The following RAPGEF2 variants were observed in gnomAD, a reference collection of about 807,000 sequenced individuals.
The protein encoded by RAPGEF2 is PDZ domain containing guanine nucleotide exchange factor (GEF) 1.
RAPGEF2 carries 54 observed loss-of-function variants against 186.7 expected under a neutral mutation model. The ratio of observed to expected loss-of-function variants is 0.29; its 90% confidence interval spans 0.23 to 0.36. The LOEUF is 0.36. Ranked by LOEUF, RAPGEF2 falls within the 10% of genes least tolerant of loss-of-function variation. The pLI is 1.00. For missense variants in RAPGEF2, 1,532 were observed against 2,045.0 expected, an observed-to-expected ratio of 0.75 and a Z score of 4.84; for synonymous variants, 712 against 705.9, an observed-to-expected ratio of 1.01 and a Z score of -0.14.
At chr4:159,354,137 T>G (rs1333741582) in intron 28 of RAPGEF2, 91 bp downstream of exon 28, 2 of 1,289,196 alleles carry the variant, frequency 1.6e-6, no homozygotes, top group African/African-American at 3.0e-5. Flanking sequence ...TTGTTGGTTC[T>G]TTTCCTCATT....
Position 159,104,212 on chromosome 4 carries a change from C to T in RAPGEF2, c.50C>T (p.Pro17Leu), listed in dbSNP as rs1737515977. The T allele has an allele frequency of 1.1e-5, 14 of 1,231,908 alleles. No individual in the cohort carries two copies. The highest frequency in any genetic ancestry group is 1.7e-5 in the African/African-American group (1 of 59,394). The allele number at this position is 1,231,908 out of a possible 1,614,324, so 76.3% of individuals were successfully genotyped here. A position where few individuals can be genotyped will look rare whatever the true frequency, so the allele number is the denominator to read the frequency against. ...NSFRQAVMKN[P>L]PERTPQDLEI... is the part of the protein sequence containing the mutation. ...TTCCGCCAGGCGGTGATGAAGAATC[C>T]CCCCGAAAGGACCCCCCAGGTGAGA... The change falls in exon 1 of 30, where the codon CCC (proline) becomes CTC (leucine). Residue 17 changes from proline to leucine, a missense_variant. Pro to Leu is a moderately conservative substitution (Grantham distance 98). Around this residue, in one of 4 missense-constraint regions of RAPGEF2, gnomAD observed 810 missense variants for 1,210.5 expected, o/e 0.67. Coordinates refer to ENST00000691494, the MANE Select transcript of RAPGEF2 (RefSeq NM_001394067.2).
intron 1 of RAPGEF2, among the ~76,000 whole-genome samples, chr4:159,129,641 CACTCT>C (rs1740784604): frequency 6.6e-6 from 1 of 152,180 alleles, no homozygotes; most frequent in Non-Finnish European, 1.5e-5. Context: ...CTATTCTATC[CACTCT>C]ACTCCCCCTA....
At chr4:159,161,554 A>G (rs527528348) in intron 1 of RAPGEF2, among the ~76,000 whole-genome samples, 12 of 152,220 alleles carry the variant, frequency 7.9e-5, no homozygotes, top group African/African-American at 2.9e-4. Flanking sequence ...AAATACAAAA[A>G]TTAGCCAGGT....
chr4:159,262,164 A>G lies in RAPGEF2; in HGVS notation c.543+18373A>G, dbSNP rs60020313. On this transcript the variant is annotated intron_variant, in intron 7 of 29. Coordinates refer to ENST00000691494, the MANE Select transcript of RAPGEF2 (RefSeq NM_001394067.2). The stretch of plus-strand genomic sequence containing the variant: ...AACCACTATGTGTCAAGTACTAGGG[A>G]TAAAGCACAGTCTGTTGTTGACAAT... Among the ~76,000 whole-genome samples, 1,046 of 152,316 alleles carry G rather than the reference A, an allele frequency of 6.9e-3. 11 individuals carry two copies. Among genetic ancestry groups the G allele is most frequent in the African/African-American group, 0.024 (987 of 41,566 alleles).
intron 1 of RAPGEF2, among the ~76,000 whole-genome samples, chr4:159,183,359 A>T (rs1561055817): frequency 6.6e-6 from 1 of 152,230 alleles, no homozygotes; most frequent in African/African-American, 2.4e-5. Flanking sequence ...AGGACAACTG[A>T]TATGCACATG....
intron 1 of RAPGEF2, among the ~76,000 whole-genome samples, chr4:159,134,356 T>G (rs745820010): frequency 1.3e-5 from 2 of 152,258 alleles, no homozygotes; most frequent in Non-Finnish European, 2.9e-5. Flanking sequence ...ATTGTATGGA[T>G]GTACTGAAAT....
intron 7 of RAPGEF2, among the ~76,000 whole-genome samples, chr4:159,286,769 T>C (rs1290834362): frequency 1.3e-5 from 2 of 152,226 alleles, no homozygotes; most frequent in African/African-American, 2.4e-5. Context: ...CTCTCAGATC[T>C]CAGCTATAGG....
Position 159,339,096 on chromosome 4 carries a change from G to T in RAPGEF2, c.2294-18G>T, listed in dbSNP as rs754123417. ...TAAAATTCTTTCTACTTATGTGTGT[G>T]ATTTTTCTTTCCCCCAGACTTGCCA... is the stretch of plus-strand genomic sequence containing the variant. On this transcript the variant is annotated intron_variant, in intron 18 of 29. Coordinates refer to ENST00000691494, the MANE Select transcript of RAPGEF2 (RefSeq NM_001394067.2). The T allele has an allele frequency of 5.0e-6, 8 of 1,608,126 alleles. No individual in the cohort carries two copies. In the South Asian group the frequency reaches 5.5e-5, roughly 11 times the overall value.
At chr4:159,248,505 A>G (rs528501514) in intron 7 of RAPGEF2, among the ~76,000 whole-genome samples, 1 of 152,304 alleles carries the variant, frequency 6.6e-6, no homozygotes, top group African/African-American at 2.4e-5. Flanking sequence ...GCATTTTAAC[A>G]TCCTGCAGAA....
At chr4:159,149,157 A>T (rs1220572653) in intron 1 of RAPGEF2, among the ~76,000 whole-genome samples, 1 of 152,272 alleles carries the variant, frequency 6.6e-6, no homozygotes, top group Non-Finnish European at 1.5e-5. Context: ...AAGAGGGCAG[A>T]AGATAAAGCT....
chr4:159,329,633 GTAAAATACATA>G, intron 11 of RAPGEF2: 1 of 290,266 alleles, frequency 3.4e-6, no homozygotes, highest in African/African-American at 2.2e-5. Context: ...GATTTTGAAT[GTAAAATACATA>G]TAAGTATTCT....
intron 4 of RAPGEF2, among the ~76,000 whole-genome samples, chr4:159,221,628 T>C (rs948275329): frequency 3.3e-5 from 5 of 152,342 alleles, no homozygotes; most frequent in African/African-American, 1.2e-4. Context: ...CCACGGTCTC[T>C]GTTACACCTG....
At position 159,356,067 on chromosome 4, in the gene RAPGEF2, G is replaced by T. The variant is rs758727409; in HGVS notation, c.4866G>T (p.Arg1622Ser). The T allele has an allele frequency of 1.2e-5, 19 of 1,614,012 alleles. No individual in the cohort carries two copies. The Admixed American group carries it at 2.7e-4, about 23-fold the overall frequency. Reference protein sequence around the residue: ...QQPHGHPTSSRPVNKPQWHKP... With the variant: ...QQPHGHPTSSSPVNKPQWHKP... ...CACATGGGCATCCCACCAGCAGCAG[G>T]CCTGTGAACAAACCTCAGTGGCATA... is the stretch of plus-strand genomic sequence containing the variant. Residue 1622 changes from arginine to serine, a missense_variant, in exon 29 of 30, where the codon AGG (arginine) becomes AGT (serine). This residue lies in a region of RAPGEF2 where 594 missense variants were observed against 608.5 expected (regional missense o/e 0.98). Coordinates refer to ENST00000691494, the MANE Select transcript of RAPGEF2 (RefSeq NM_001394067.2).
chr4:159,339,451 G>T, intron 19 of RAPGEF2, 97 bp downstream of exon 19: 2 of 1,385,304 alleles, frequency 1.4e-6, no homozygotes, highest in Non-Finnish European at 2.0e-6. Context: ...TTTTAAATGA[G>T]TAAGTGTCCC....
intron 7 of RAPGEF2, among the ~76,000 whole-genome samples, chr4:159,253,188 C>G (rs1038502950): frequency 1.6e-4 from 24 of 152,146 alleles, no homozygotes; most frequent in African/African-American, 5.6e-4. Flanking sequence ...GGTGTTCTTT[C>G]AAAGACTGCA....
At chr4:159,293,474 GAA>G (rs1433721283) in intron 7 of RAPGEF2, among the ~76,000 whole-genome samples, 2 of 152,300 alleles carry the variant, frequency 1.3e-5, no homozygotes, top group East Asian at 3.9e-4. Flanking sequence ...CTAGTTAATT[GAA>G]GAGTAAATGA....
intron 1 of RAPGEF2, among the ~76,000 whole-genome samples, chr4:159,110,507 G>A (rs1738381272): frequency 2.0e-5 from 3 of 152,278 alleles, no homozygotes; most frequent in African/African-American, 7.2e-5. Flanking sequence ...GAACCCTGGA[G>A]GCAGAGGTTG....
intron 1 of RAPGEF2, among the ~76,000 whole-genome samples, chr4:159,177,751 G>T (rs911906148): frequency 6.6e-6 from 1 of 152,086 alleles, no homozygotes; most frequent in African/African-American, 2.4e-5. Context: ...TCACCATTTG[G>T]GTATAGATGT....
intron 9 of RAPGEF2, among the ~76,000 whole-genome samples, chr4:159,316,978 TG>T (rs1482097797): frequency 6.6e-6 from 1 of 152,170 alleles, no homozygotes; most frequent in Non-Finnish European, 1.5e-5. Flanking sequence ...CACCCTTGCC[TG>T]AGCCTTGCTT....
Sources: gnomAD v4.1 joint callset for allele counts (sites outside exome capture counted in the v4.1 genomes callset) on GRCh38, gnomAD v4.1.1 for gene constraint, gnomAD v4.1.1 regional missense constraint, MANE v1.5 for transcripts, NCBI Gene and HGNC (gene_info 2026-07-23, HGNC 2026-07-21) for gene names.